TNFRSF10A: variants seen among roughly 807,000 people sequenced by gnomAD.
TNFRSF10A encodes the protein tumor necrosis factor receptor superfamily member 10A.
In TNFRSF10A, 44 loss-of-function variants were observed where a neutral mutation model predicts 42.8. The observed-to-expected ratio is 1.03, with a 90% CI of 0.81 to 1.32. TNFRSF10A has a LOEUF of 1.32. Ranked by LOEUF, TNFRSF10A falls within the 40% of genes most tolerant of loss-of-function variation. The probability of loss-of-function intolerance (pLI) is 0.00; values close to 1 mark genes in which losing one functional copy is unlikely to be tolerated. For synonymous variants in TNFRSF10A, 259 were observed against 234.2 expected (o/e 1.11, Z -0.97); for missense variants, 680 against 602.0 (o/e 1.13, Z -1.36).
chr8:23,221,201 A>C (rs1009794914), intron 1 of TNFRSF10A, among the ~76,000 whole-genome samples: 2 of 152,172 alleles, frequency 1.3e-5, no homozygotes, highest in Admixed American at 6.5e-5. Context: ...AGCCCTGAGC[A>C]TGTGATTTGT....
chr8:23,195,698 A>G (rs1488224727), intron 9 of TNFRSF10A, among the ~76,000 whole-genome samples: 2 of 152,220 alleles, frequency 1.3e-5, no homozygotes, highest in African/African-American at 4.8e-5. Flanking sequence ...TTGCAGGTAC[A>G]TTGGTCCTGC....
intron 1 of TNFRSF10A, among the ~76,000 whole-genome samples, chr8:23,216,018 A>G (rs1196441699): frequency 6.6e-6 from 1 of 151,984 alleles, no homozygotes; most frequent in Non-Finnish European, 1.5e-5. Flanking sequence ...GGGTTTCTCC[A>G]TGTTGGTCCG....
chr8:23,221,262 C>A (rs1028505516), intron 1 of TNFRSF10A, among the ~76,000 whole-genome samples: 1 of 152,198 alleles, frequency 6.6e-6, no homozygotes, highest in Non-Finnish European at 1.5e-5. Context: ...GTGGTTTACA[C>A]AGGGCCGCTG....
In TNFRSF10A at chr8:23,224,706, C is replaced by G. The variant is rs1383018085; in HGVS notation, c.306+50G>C. On this transcript the variant is annotated intron_variant, in intron 1 of 9. Coordinates refer to ENST00000221132, the MANE Select transcript of TNFRSF10A (RefSeq NM_003844.4). ...GCGTCCCCCTCTCTCTCTGCCCCCT[C>G]CCGGTGCCAGGCGCGCTTTTCCCCA... 4.6e-6 allele frequency: 7 copies of G among 1,530,868 alleles called. No individual in the cohort carries two copies. The African/African-American group carries it at 8.3e-5, about 18-fold the overall frequency. 94.8% of individuals were successfully genotyped at this position (1,530,868 alleles called of 1,614,324 possible).
chr8:23,211,445 A>G (rs1801091006), intron 2 of TNFRSF10A, among the ~76,000 whole-genome samples: 1 of 152,234 alleles, frequency 6.6e-6, no homozygotes, highest in Non-Finnish European at 1.5e-5. Context: ...GGATCAAAAG[A>G]CTTCTCATTG....
rs770230414 is a variant in TNFRSF10A, at chr8:23,224,853, GC to G, written c.208del (p.Ala70GlnfsTer173). ...GQHGPSARAR[A>X]GRAPGPRPAR... ...CGGCCTGGGTCCTGGGGCGCGCCCT[GC>G]CCGGGCCCGGGCACTGGGTCCGTGC... is the stretch of plus-strand genomic sequence containing the variant. On this transcript the variant is annotated frameshift_variant, in exon 1 of 10. Transcript: ENST00000221132. LOFTEE classifies it high-confidence loss of function. The G allele has an allele frequency of 6.4e-7, 1 of 1,567,356 alleles. No individual in the cohort carries two copies. The highest frequency in any genetic ancestry group is 1.4e-5 in the African/African-American group (1 of 73,894).
In TNFRSF10A at chr8:23,207,367, T is replaced by C. The variant is rs1177560251; in HGVS notation, c.404-4606A>G. On this transcript the variant is annotated intron_variant, in intron 2 of 9. Transcript: ENST00000221132. ...TGTTGCCAACAAAATTGGGATCATC[T>C]AAACTGAATCCAGCTGGCTAATTCT... 5.2e-6 allele frequency: 3 copies of C among 575,778 alleles called. No homozygotes were observed. The African/African-American group carries it at 5.6e-5, about 11-fold the overall frequency. The allele number at this position is 575,778 out of a possible 1,614,324, so 35.7% of individuals were successfully genotyped here.
intron 8 of TNFRSF10A, among the ~76,000 whole-genome samples, chr8:23,198,196 A>C (rs1800851128): frequency 1.3e-5 from 2 of 152,166 alleles, no homozygotes; most frequent in African/African-American, 4.8e-5. Flanking sequence ...GGGTTGGAAA[A>C]ACCAGACAGT....
At chr8:23,195,049 C>T (rs1800803089) in intron 9 of TNFRSF10A, among the ~76,000 whole-genome samples, 1 of 152,168 alleles carries the variant, frequency 6.6e-6, no homozygotes. Context: ...GTCCCAGCTA[C>T]TCAGGAGGCT....
intron 1 of TNFRSF10A, chr8:23,224,534 C>T (rs1489005690): frequency 3.4e-6 from 2 of 579,854 alleles, no homozygotes; most frequent in African/African-American, 2.0e-5. Flanking sequence ...CCGGGCCCAG[C>T]CTCCTGCGGG....
rs11774234 is a variant in TNFRSF10A, at chr8:23,222,855, C to G, written c.306+1901G>C. ...TAGAATGAACCTGGCCCCTCCCCGT[C>G]TCCCTTCCGGATCTCATCCCCCTCC... On this transcript the variant is annotated intron_variant, in intron 1 of 9. Coordinates refer to ENST00000221132, the MANE Select transcript of TNFRSF10A (RefSeq NM_003844.4). Among the ~76,000 whole-genome samples the G allele has an allele frequency of 7.6e-3, 1,151 of 152,104 alleles. 10 individuals are homozygous for G. Among genetic ancestry groups the G allele is most frequent in the Non-Finnish European group, 0.013 (852 of 67,982 alleles).
rs549998786 is a variant in TNFRSF10A, at chr8:23,199,832, A to G, written c.831+54T>C. 1.1e-5 allele frequency: 18 copies of G among 1,613,860 alleles called. No homozygotes were observed. The East Asian group carries it at 3.8e-4, about 34-fold the overall frequency. On this transcript the variant is annotated intron_variant, in intron 7 of 9. Coordinates refer to ENST00000221132, the MANE Select transcript of TNFRSF10A (RefSeq NM_003844.4). The stretch of plus-strand genomic sequence containing the variant: ...CACCCACCTGGACTACACTGTGGGC[A>G]AGAAGCAGTTCCTGAGCCCCTGATG...
At chr8:23,215,840 T>C (rs1397521871) in intron 1 of TNFRSF10A, among the ~76,000 whole-genome samples, 2 of 151,684 alleles carry the variant, frequency 1.3e-5, no homozygotes, top group Non-Finnish European at 2.9e-5. Flanking sequence ...TTTCCTGAGA[T>C]GGAGTTTTAC....
chr8:23,198,621 A>G (rs192090709), intron 8 of TNFRSF10A, among the ~76,000 whole-genome samples: 42 of 147,244 alleles, frequency 2.9e-4, no homozygotes, highest in African/African-American at 1.1e-3. Flanking sequence ...CAAAAAAAAG[A>G]AAAAAAAAGA....
At chr8:23,215,818 CTT>C (rs752874036) in intron 1 of TNFRSF10A, among the ~76,000 whole-genome samples, 3 of 142,708 alleles carry the variant, frequency 2.1e-5, no homozygotes, top group Admixed American at 7.0e-5. Context: ...TGGTTTATTA[CTT>C]TTTTTTTTTT....
intron 2 of TNFRSF10A, 97 bp from the exon 3 acceptor site, chr8:23,202,858 C>A: frequency 1.3e-6 from 1 of 777,628 alleles, no homozygotes; most frequent in Non-Finnish European, 2.2e-6. Flanking sequence ...CATCAGTAGA[C>A]CCCAGACAGA....
At chr8:23,224,320 A>AG (rs1386979868) in intron 1 of TNFRSF10A, 3 of 156,500 alleles carry the variant, frequency 1.9e-5, no homozygotes, top group African/African-American at 7.3e-5. Flanking sequence ...AAAAAAAAAA[A>AG]AAGAAGAGAA....
chr8:23,195,753 T>G (rs1181915302), intron 9 of TNFRSF10A, among the ~76,000 whole-genome samples: 1 of 152,166 alleles, frequency 6.6e-6, no homozygotes, highest in Non-Finnish European at 1.5e-5. Flanking sequence ...AGAGAGATTG[T>G]GTTTCAGAAG....
At chr8:23,211,648 T>G (rs975476632) in intron 2 of TNFRSF10A, among the ~76,000 whole-genome samples, 1 of 152,198 alleles carries the variant, frequency 6.6e-6, no homozygotes, top group African/African-American at 2.4e-5. Flanking sequence ...CAAAACTCAC[T>G]ACAAGACTGT....
Sources: allele counts gnomAD v4.1 joint callset (sites outside exome capture counted in the v4.1 genomes callset), GRCh38; gene constraint gnomAD v4.1.1; transcripts MANE v1.5; gene names NCBI Gene and HGNC (gene_info 2026-07-23, HGNC 2026-07-21).